Variants in EBF2 observed in about 807,000 individuals in gnomAD.
EBF2 encodes the protein transcription factor COE2.
In EBF2, 21 loss-of-function variants were observed where a neutral mutation model predicts 72.8. That is an observed-to-expected ratio of 0.29 (90% CI 0.20 to 0.42). The LOEUF is 0.42. Ranked by LOEUF, EBF2 falls within the 10% of genes least tolerant of loss-of-function variation. The pLI, the probability that EBF2 is intolerant of heterozygous loss-of-function variation, is 1.00. For missense variants in EBF2, 637 were observed against 731.2 expected (o/e 0.87, Z 1.49); for synonymous variants, 299 against 274.2 (o/e 1.09, Z -0.89).
chr8:25,852,317 C>T (rs1404804865), intron 14 of EBF2, among the ~76,000 whole-genome samples: 1 of 150,830 alleles, frequency 6.6e-6, no homozygotes, highest in Non-Finnish European at 1.5e-5. Context: ...AGAAAAAATC[C>T]AAAAGCAAAA....
intron 6 of EBF2, among the ~76,000 whole-genome samples, chr8:26,014,383 T>G (rs1246358846): frequency 6.6e-6 from 1 of 152,152 alleles, no homozygotes; most frequent in Admixed American, 6.5e-5. Context: ...AGTATTAGTA[T>G]TATTTTGGTG....
chr8:26,011,814 A>ATTTT lies in EBF2; in HGVS notation c.551+21270_551+21271insAAAA, dbSNP rs1563208131. On this transcript the variant is annotated intron_variant, in intron 6 of 15. Transcript: ENST00000520164. ...AGAATTTACTTGAACTTTTTTTTAA[A>ATTTT]AAAAAAAAGCAATGTGTTATCATAT... Among the ~76,000 whole-genome samples, 445 of 149,094 alleles carry ATTTT rather than the reference A, an allele frequency of 3.0e-3. 5 individuals carry two copies. Among genetic ancestry groups the ATTTT allele is most frequent in the Middle Eastern group, 0.025 (7 of 284 alleles).
intron 6 of EBF2, among the ~76,000 whole-genome samples, chr8:25,913,162 G>A (rs773748990): frequency 4.6e-5 from 7 of 152,112 alleles, no homozygotes; most frequent in Non-Finnish European, 8.8e-5. Context: ...AGTCCATAAG[G>A]CCAGGTGCGG....
intron 6 of EBF2, among the ~76,000 whole-genome samples, chr8:25,935,268 G>T (rs568055353): frequency 6.6e-6 from 1 of 151,758 alleles, no homozygotes; most frequent in South Asian, 2.1e-4. Context: ...GAAAGGGGGG[G>T]AAAAGCAAGT....
chr8:25,978,863 C>G (rs1225027998), intron 6 of EBF2, among the ~76,000 whole-genome samples: 1 of 152,148 alleles, frequency 6.6e-6, no homozygotes, highest in Non-Finnish European at 1.5e-5. Context: ...ATGCCAAAGA[C>G]GTGCATTATG....
chr8:25,967,961 A>G (rs1435910596), intron 6 of EBF2, among the ~76,000 whole-genome samples: 1 of 152,262 alleles, frequency 6.6e-6, no homozygotes, highest in African/African-American at 2.4e-5. Context: ...TACAGAATAT[A>G]TACACACAAT....
chr8:25,931,292 C>G (rs1393715470), intron 6 of EBF2, among the ~76,000 whole-genome samples: 1 of 152,170 alleles, frequency 6.6e-6, no homozygotes, highest in Non-Finnish European at 1.5e-5. Flanking sequence ...CTGCCTCAAT[C>G]TTTAAGCACA....
intron 6 of EBF2, among the ~76,000 whole-genome samples, chr8:25,940,566 C>T (rs935325730): frequency 6.6e-6 from 1 of 151,556 alleles, no homozygotes; most frequent in Non-Finnish European, 1.5e-5. Flanking sequence ...AGAAAGCAAC[C>T]TCTGTGATCA....
intron 6 of EBF2, among the ~76,000 whole-genome samples, chr8:25,997,383 C>A (rs1213757882): frequency 6.6e-6 from 1 of 152,076 alleles, no homozygotes; most frequent in Non-Finnish European, 1.5e-5. Context: ...CAAGCCTGGG[C>A]AACATAGCGA....
intron 13 of EBF2, 77 bp from the exon 14 acceptor site, chr8:25,858,581 A>T: frequency 1.4e-6 from 2 of 1,443,218 alleles, no homozygotes; most frequent in Non-Finnish European, 1.9e-6. Flanking sequence ...ACAGGTCCTC[A>T]TTGGCCCCAG....
intron 5 of EBF2, among the ~76,000 whole-genome samples, chr8:26,036,281 T>G (rs998766776): frequency 6.6e-6 from 1 of 152,176 alleles, no homozygotes; most frequent in Non-Finnish European, 1.5e-5. Context: ...TGTAGTATAA[T>G]GTAGGGAAAG....
intron 6 of EBF2, among the ~76,000 whole-genome samples, chr8:25,941,990 A>T (rs1803681719): frequency 6.6e-6 from 1 of 152,166 alleles, no homozygotes; most frequent in African/African-American, 2.4e-5. Context: ...CTATTACCTG[A>T]AGCACTGTGC....
At chr8:26,017,909 C>T (rs953153440) in intron 6 of EBF2, among the ~76,000 whole-genome samples, 17 of 152,160 alleles carry the variant, frequency 1.1e-4, no homozygotes, top group Non-Finnish European at 2.1e-4. Flanking sequence ...AAGGGGGTTT[C>T]GCGTATCAGG....
At chr8:25,976,297 C>T (rs1305426697) in intron 6 of EBF2, among the ~76,000 whole-genome samples, 1 of 152,058 alleles carries the variant, frequency 6.6e-6, no homozygotes, top group Non-Finnish European at 1.5e-5. Flanking sequence ...AATGGAGATC[C>T]GTAAAATTTT....
rs182176663 is a variant in EBF2, at chr8:25,852,616, G to T, written c.1529-1855C>A. Among the ~76,000 whole-genome samples the T allele has an allele frequency of 8.1e-4, 123 of 152,276 alleles. 2 individuals carry two copies. The highest frequency in any genetic ancestry group is 2.9e-3 in the African/African-American group (120 of 41,552). ...AGCAGGGCCCATTAGATCAAAAATGGTTCCCTTGCAGTGGGAGAGGAAACA... is the reference window on the plus strand; with the variant it reads ...AGCAGGGCCCATTAGATCAAAAATGTTTCCCTTGCAGTGGGAGAGGAAACA... On this transcript the variant is annotated intron_variant, in intron 14 of 15. Coordinates refer to ENST00000520164, the MANE Select transcript of EBF2 (RefSeq NM_022659.4).
intron 6 of EBF2, among the ~76,000 whole-genome samples, chr8:25,955,184 C>A (rs909587144): frequency 1.3e-5 from 2 of 152,234 alleles, no homozygotes; most frequent in South Asian, 2.1e-4. Flanking sequence ...GGCCCACAGA[C>A]AAGGACCCTT....
chr8:26,044,942 CG>C lies in EBF2; in HGVS notation c.-84del, dbSNP rs1214989260. 26 of 1,480,716 alleles carry C rather than the reference CG, an allele frequency of 1.8e-5. No homozygotes were observed. The highest frequency in any genetic ancestry group is 2.3e-5 in the Non-Finnish European group (25 of 1,090,904). 91.7% of individuals were successfully genotyped at this position (1,480,716 alleles called of 1,614,324 possible). The stretch of plus-strand genomic sequence containing the variant: ...ACTGTTCCCAACGTTGCCAGCAAAT[CG>C]TCTCCTCCAAAGCAATCCAAGAAAA... On this transcript the variant is annotated 5_prime_UTR_variant, in exon 1 of 16. Transcript: ENST00000520164. This position sits in a 1 kb window ranked among gnomAD's most constrained non-coding sequence, Gnocchi z 4.1.
intron 6 of EBF2, among the ~76,000 whole-genome samples, chr8:25,938,274 G>A (rs563036173): frequency 1.0e-4 from 15 of 150,692 alleles, no homozygotes; most frequent in African/African-American, 3.4e-4. Flanking sequence ...TCCCTAAAAT[G>A]TTTCAATGCA....
At chr8:25,873,661 A>C (rs1802475848) in intron 10 of EBF2, among the ~76,000 whole-genome samples, 3 of 152,232 alleles carry the variant, frequency 2.0e-5, no homozygotes, top group Admixed American at 2.0e-4. Flanking sequence ...ATGAAATATT[A>C]ATTTAATATT....
Sources: allele counts gnomAD v4.1 joint callset (sites outside exome capture counted in the v4.1 genomes callset), GRCh38; gene constraint gnomAD v4.1.1; non-coding constraint Gnocchi (gnomAD v3.1); transcripts MANE v1.5; gene names NCBI Gene and HGNC (gene_info 2026-07-23, HGNC 2026-07-21).